Variants in TYW1B observed in about 807,000 individuals in gnomAD.
TYW1B encodes the protein tRNA-yW synthesizing protein 1 homolog B.
A neutral mutation model predicts 86.9 loss-of-function variants in TYW1B; 73 were observed. The observed-to-expected ratio is 0.84, with a 90% CI of 0.70 to 1.02. The LOEUF (loss-of-function observed/expected upper bound fraction) is 1.02, where lower values mean the gene tolerates loss of function less well. Among genes scored for constraint, TYW1B ranks in the 50% least tolerant of loss-of-function variants. The probability of loss-of-function intolerance (pLI) is 0.00; values close to 1 mark genes in which losing one functional copy is unlikely to be tolerated. For synonymous variants in TYW1B, 248 were observed against 292.8 expected (o/e 0.85, Z 1.56); for missense variants, 637 against 827.4 (o/e 0.77, Z 2.82).
intron 10 of TYW1B, among the ~76,000 whole-genome samples, chr7:72,706,364 T>G (rs1459163147): frequency 8.3e-5 from 12 of 143,820 alleles, no homozygotes; most frequent in African/African-American, 2.9e-4. Context: ...GAAGTGGAGG[T>G]TGTGGTGAGC....
chr7:72,806,118 G>C (rs1788489722), intron 5 of TYW1B, among the ~76,000 whole-genome samples: 1 of 152,058 alleles, frequency 6.6e-6, no homozygotes, highest in South Asian at 2.1e-4. Flanking sequence ...CGTGAGCTCA[G>C]GCTGGGACAA....
chr7:72,644,325 G>A (rs561917538), intron 11 of TYW1B, among the ~76,000 whole-genome samples: 6 of 152,180 alleles, frequency 3.9e-5, no homozygotes, highest in Admixed American at 2.6e-4. Flanking sequence ...TGACGTGGGC[G>A]GATCACAAGG....
chr7:72,618,227 ATTTTTTTTTTTT>A (rs869158136), intron 12 of TYW1B, among the ~76,000 whole-genome samples: 1 of 103,938 alleles, frequency 9.6e-6, no homozygotes, highest in Non-Finnish European at 1.8e-5. Flanking sequence ...ATGACACTGA[ATTTTTTTTTTTT>A]TTTTTTTTTT....
intron 7 of TYW1B, among the ~76,000 whole-genome samples, chr7:72,764,427 C>T (rs1457858228): frequency 2.6e-5 from 4 of 152,130 alleles, no homozygotes; most frequent in African/African-American, 2.4e-5. Context: ...GGACTACAGG[C>T]GCCCGCCACC....
At chr7:72,581,551 C>T (rs190853079) in intron 13 of TYW1B, among the ~76,000 whole-genome samples, 5 of 151,932 alleles carry the variant, frequency 3.3e-5, no homozygotes, top group African/African-American at 1.2e-4. Flanking sequence ...CTCCACCTCT[C>T]GGGTTCACGT....
intron 11 of TYW1B, among the ~76,000 whole-genome samples, chr7:72,652,202 C>T (rs1362077504): frequency 2.0e-5 from 3 of 151,926 alleles, no homozygotes; most frequent in African/African-American, 7.2e-5. Context: ...CAGTGAAACC[C>T]CGCCTCTACT....
chr7:72,674,398 C>T (rs533782003), intron 11 of TYW1B, among the ~76,000 whole-genome samples: 1 of 152,272 alleles, frequency 6.6e-6, no homozygotes, highest in South Asian at 2.1e-4. Context: ...CTAAGCACCA[C>T]AGAGATGAGA....
At chr7:72,791,130 G>A (rs1310949245) in intron 6 of TYW1B, among the ~76,000 whole-genome samples, 1 of 152,116 alleles carries the variant, frequency 6.6e-6, no homozygotes, top group African/African-American at 2.4e-5. Context: ...GATTAGAGGA[G>A]CGCTATGGAA....
intron 7 of TYW1B, among the ~76,000 whole-genome samples, chr7:72,772,978 G>A (rs1196284312): frequency 2.6e-5 from 4 of 152,112 alleles, no homozygotes; most frequent in Non-Finnish European, 5.9e-5. Flanking sequence ...TTATATATTC[G>A]AAGGTGGAAC....
At chr7:72,663,753 C>T (rs1463767185) in intron 11 of TYW1B, among the ~76,000 whole-genome samples, 1 of 105,206 alleles carries the variant, frequency 9.5e-6, no homozygotes, top group East Asian at 2.8e-4. Context: ...GACAGCAAGA[C>T]TCCATCTCAA....
intron 7 of TYW1B, among the ~76,000 whole-genome samples, 168 bp from the exon 8 acceptor site, chr7:72,744,769 G>A (rs549290377): frequency 1.3e-5 from 2 of 152,310 alleles, no homozygotes; most frequent in Admixed American, 6.5e-5. Flanking sequence ...TGTTTTGGCA[G>A]TGCTTTGGGT....
chr7:72,632,319 TATTA>T lies in TYW1B; in HGVS notation c.1507-3326_1507-3323del, dbSNP rs1397899265. On this transcript the variant is annotated intron_variant, in intron 11 of 13. Transcript: ENST00000620995. The stretch of plus-strand genomic sequence containing the variant: ...TATATACGTGTATATATATTATATA[TATTA>T]TATATATATACACGTATATATATTA... Among the ~76,000 whole-genome samples, 127 of 67,650 alleles carry T rather than the reference TATTA, an allele frequency of 1.9e-3. 1 individual carries two copies. Among genetic ancestry groups the T allele is most frequent in the African/African-American group, 0.013 (121 of 9,474 alleles). 44.4% of individuals were successfully genotyped at this position (67,650 alleles called of 152,430 possible).
At chr7:72,682,312 A>C (rs1813896069) in intron 11 of TYW1B, among the ~76,000 whole-genome samples, 1 of 152,198 alleles carries the variant, frequency 6.6e-6, no homozygotes, top group African/African-American at 2.4e-5. Context: ...TAGCTTATCA[A>C]ATCTGTACTT....
intron 11 of TYW1B, among the ~76,000 whole-genome samples, chr7:72,645,242 A>G (rs1812900171): frequency 6.6e-6 from 1 of 152,096 alleles, no homozygotes; most frequent in Non-Finnish European, 1.5e-5. Context: ...GAGAGAAGAT[A>G]TAGAGCAGAA....
intron 11 of TYW1B, among the ~76,000 whole-genome samples, chr7:72,693,114 A>G (rs2129570236): frequency 6.6e-6 from 1 of 152,192 alleles, no homozygotes; most frequent in Non-Finnish European, 1.5e-5. Flanking sequence ...TCCTGGGGTG[A>G]TTCTCATTAT....
At chr7:72,652,410 T>G (rs1350140932) in intron 11 of TYW1B, among the ~76,000 whole-genome samples, 2 of 149,532 alleles carry the variant, frequency 1.3e-5, no homozygotes, top group Non-Finnish European at 3.0e-5. Flanking sequence ...AAAAAAATTT[T>G]TGTGACATTG....
chr7:72,579,634 G>C (rs1811103727), intron 13 of TYW1B, among the ~76,000 whole-genome samples: 1 of 152,026 alleles, frequency 6.6e-6, no homozygotes. Context: ...AGTGACTTGG[G>C]CCCTCTCATG....
intron 10 of TYW1B, among the ~76,000 whole-genome samples, chr7:72,711,957 C>T (rs1271275369): frequency 6.6e-6 from 1 of 152,026 alleles, no homozygotes; most frequent in Non-Finnish European, 1.5e-5. Context: ...GAGGTCTTGA[C>T]CTCAAGGAAC....
At chr7:72,627,828 A>C (rs553124275) in intron 12 of TYW1B, among the ~76,000 whole-genome samples, 1 of 152,314 alleles carries the variant, frequency 6.6e-6, no homozygotes, top group East Asian at 1.9e-4. Flanking sequence ...AGAAACATGC[A>C]ATCAACAAAA....
Sources: gnomAD v4.1 joint callset for allele counts (sites outside exome capture counted in the v4.1 genomes callset) on GRCh38, gnomAD v4.1.1 for gene constraint, MANE v1.5 for transcripts, NCBI Gene and HGNC (gene_info 2026-07-23, HGNC 2026-07-21) for gene names.